The following STXBP5L variants were observed in gnomAD, a reference collection of about 807,000 sequenced individuals.
The protein encoded by STXBP5L is syntaxin binding protein 5L.
Under a neutral mutation model 144.5 loss-of-function variants are expected in STXBP5L, and 65 were observed. The ratio of observed to expected loss-of-function variants is 0.45; its 90% CI spans 0.37 to 0.55. The LOEUF (loss-of-function observed/expected upper bound fraction) is 0.55, where lower values mean the gene tolerates loss of function less well. Among genes scored for constraint, STXBP5L ranks in the 20% least tolerant of loss-of-function variants. The pLI is 0.00. For missense variants in STXBP5L, 1,298 were observed against 1,405.5 expected (o/e 0.92, Z 1.22); for synonymous variants, 505 against 469.6 (o/e 1.08, Z -0.97).
intron 5 of STXBP5L, among the ~76,000 whole-genome samples, chr3:121,091,668 G>C (rs912381422): frequency 6.6e-6 from 1 of 152,240 alleles, no homozygotes; most frequent in Non-Finnish European, 1.5e-5. Context: ...ATAGATTCTG[G>C]ATATTAGCCC....
intron 5 of STXBP5L, among the ~76,000 whole-genome samples, chr3:121,049,943 G>C (rs1029678098): frequency 3.3e-5 from 5 of 152,138 alleles, no homozygotes; most frequent in African/African-American, 1.2e-4. Flanking sequence ...TCCTGATCCT[G>C]AGTCCAAGGA....
At chr3:121,063,301 G>A (rs1357985705) in intron 5 of STXBP5L, among the ~76,000 whole-genome samples, 1 of 152,208 alleles carries the variant, frequency 6.6e-6, no homozygotes, top group African/African-American at 2.4e-5. Context: ...ACTGCAGACT[G>A]TTTGCTTGGG....
At chr3:121,030,587 G>A (rs1037285529) in intron 3 of STXBP5L, among the ~76,000 whole-genome samples, 3 of 152,020 alleles carry the variant, frequency 2.0e-5, no homozygotes, top group Admixed American at 1.3e-4. Context: ...TAGATGATGG[G>A]TTGATGGGTG....
chr3:121,061,174 T>G (rs2041257588), intron 5 of STXBP5L, among the ~76,000 whole-genome samples: 1 of 152,192 alleles, frequency 6.6e-6, no homozygotes, highest in Non-Finnish European at 1.5e-5. Context: ...ACGTTAAGTC[T>G]TTGTTCTCAT....
At chr3:120,957,746 C>T (rs1268866981) in intron 3 of STXBP5L, among the ~76,000 whole-genome samples, 4 of 151,932 alleles carry the variant, frequency 2.6e-5, no homozygotes, top group Non-Finnish European at 5.9e-5. Context: ...ATCTCTGGGA[C>T]ACATTTAAAG....
rs182935151 is a variant in STXBP5L at position 120,942,524 on chromosome 3, T to G, written c.190-12416T>G. 2.6e-3 allele frequency among the ~76,000 whole-genome samples: 397 copies of G among 151,648 alleles called. 1 individual carries two copies. The highest frequency in any genetic ancestry group is 4.9e-3 in the Non-Finnish European group (329 of 67,566). ...TGAATAAAACCTTTGTTTTGAGGCT[T>G]TTAACAAATTTAACAGACTTCAAAT... On this transcript the variant is annotated intron_variant, in intron 2 of 26. Transcript: ENST00000471454.
chr3:121,282,428 A>G, intron 19 of STXBP5L: 1 of 1,242,268 alleles, frequency 8.0e-7, no homozygotes, highest in Non-Finnish European at 1.1e-6. Flanking sequence ...GTGTTTCTTA[A>G]AACACATTCA....
intron 9 of STXBP5L, among the ~76,000 whole-genome samples, chr3:121,187,796 C>A (rs1427482635): frequency 1.3e-5 from 2 of 151,380 alleles, no homozygotes; most frequent in Admixed American, 1.3e-4. Context: ...TCAGGAGACC[C>A]ATCTCATGTG....
chr3:121,063,554 A>C (rs2041391364), intron 5 of STXBP5L, among the ~76,000 whole-genome samples: 1 of 152,198 alleles, frequency 6.6e-6, no homozygotes, highest in African/African-American at 2.4e-5. Flanking sequence ...CAGAACTAGC[A>C]GCCAGGAATG....
chr3:120,968,872 C>T (rs1296179595), intron 3 of STXBP5L, among the ~76,000 whole-genome samples: 1 of 152,086 alleles, frequency 6.6e-6, no homozygotes, highest in Non-Finnish European at 1.5e-5. Flanking sequence ...CTGCAAGAGG[C>T]ATTATGTCAT....
intron 2 of STXBP5L, among the ~76,000 whole-genome samples, chr3:120,917,903 T>C (rs374921766): frequency 1.3e-5 from 2 of 152,232 alleles, no homozygotes; most frequent in Non-Finnish European, 1.5e-5. Context: ...CAAAAACTTA[T>C]TGGCTTAAAA....
chr3:121,325,747 A>G (rs1003508047), intron 20 of STXBP5L, among the ~76,000 whole-genome samples: 1 of 152,038 alleles, frequency 6.6e-6, no homozygotes, highest in Non-Finnish European at 1.5e-5. Flanking sequence ...AATTATAATC[A>G]ACATTTGTAT....
chr3:121,319,597 C>T (rs1381211388), intron 20 of STXBP5L, among the ~76,000 whole-genome samples: 1 of 152,120 alleles, frequency 6.6e-6, no homozygotes, highest in East Asian at 1.9e-4. Context: ...CTCATTGACA[C>T]CAACCCAATT....
rs1027683989 is a variant in STXBP5L at position 121,097,151 on chromosome 3, A to G, written c.471-17774A>G. ...CTGTGAGCTTAAAACTGGCTACTCA[A>G]GCTGCACCAGTGGTGGATGCCCCTC... On this transcript the variant is annotated intron_variant, in intron 5 of 26. Transcript: ENST00000471454. 2.6e-5 allele frequency among the ~76,000 whole-genome samples: 4 copies of G among 152,154 alleles called. No homozygotes were observed. In the East Asian group the frequency reaches 5.8e-4, roughly 22 times the overall value.
At chr3:121,206,277 A>C (rs1185976004) in intron 10 of STXBP5L, among the ~76,000 whole-genome samples, 1 of 152,186 alleles carries the variant, frequency 6.6e-6, no homozygotes, top group Non-Finnish European at 1.5e-5. Flanking sequence ...CTGGCCATGC[A>C]TATTACAAGT....
intron 7 of STXBP5L, among the ~76,000 whole-genome samples, chr3:121,128,215 G>A (rs3934093): frequency 0.52 from 79,495 of 151,574 alleles, 21,395 homozygotes; most frequent in African/African-American, 0.62. Context: ...TTTTGGATTC[G>A]GTGCTTTGGC....
chr3:121,130,499 A>G (rs1042723987), intron 7 of STXBP5L, among the ~76,000 whole-genome samples: 2 of 152,086 alleles, frequency 1.3e-5, no homozygotes, highest in Non-Finnish European at 1.5e-5. Context: ...CTTGACCTAC[A>G]TATATAATCT....
At chr3:120,999,628 G>T (rs972304817) in intron 3 of STXBP5L, among the ~76,000 whole-genome samples, 13 of 150,620 alleles carry the variant, frequency 8.6e-5, no homozygotes, top group Admixed American at 2.0e-4. Flanking sequence ...GTTAGCTGGG[G>T]TTTTTTTTTG....
At chr3:121,316,644 G>C (rs1293719305) in intron 19 of STXBP5L, among the ~76,000 whole-genome samples, 2 of 152,104 alleles carry the variant, frequency 1.3e-5, no homozygotes, top group Non-Finnish European at 2.9e-5. Context: ...GGAGGATTAG[G>C]TACAAAATAA....
Sources: gnomAD v4.1 joint callset for allele counts (sites outside exome capture counted in the v4.1 genomes callset) on GRCh38, gnomAD v4.1.1 for gene constraint, MANE v1.5 for transcripts, NCBI Gene and HGNC (gene_info 2026-07-23, HGNC 2026-07-21) for gene names.